Variants in PIK3R5 observed in about 807,000 individuals in gnomAD.
PIK3R5 encodes the protein phosphoinositide-3-kinase regulatory subunit 5.
Under a neutral mutation model 94.9 loss-of-function variants are expected in PIK3R5, and 32 were observed. The ratio of observed to expected loss-of-function variants is 0.34; its 90% CI spans 0.25 to 0.45. The LOEUF (loss-of-function observed/expected upper bound fraction) is 0.45. PIK3R5 is among the 20% of genes least tolerant of loss of function. The pLI is 1.00. For synonymous variants in PIK3R5, 443 were observed against 479.4 expected (o/e 0.92, Z 0.99); for missense variants, 853 against 1,144.6 (o/e 0.75, Z 3.68).
chr17:8,902,474 G>A (rs1237827049), intron 5 of PIK3R5, among the ~76,000 whole-genome samples: 4 of 151,850 alleles, frequency 2.6e-5, no homozygotes, highest in African/African-American at 7.3e-5. Flanking sequence ...GGATGGTCTC[G>A]ATCTCCAGAC....
At chr17:8,960,194 A>G (rs780317562) in intron 1 of PIK3R5, among the ~76,000 whole-genome samples, 1 of 152,204 alleles carries the variant, frequency 6.6e-6, no homozygotes, top group Non-Finnish European at 1.5e-5. Context: ...GTTGAAAAGA[A>G]TGCTGGAGAG....
At chr17:8,951,201 A>G (rs939813280) in intron 1 of PIK3R5, among the ~76,000 whole-genome samples, 2 of 152,208 alleles carry the variant, frequency 1.3e-5, no homozygotes, top group African/African-American at 4.8e-5. Flanking sequence ...TCTGGATATT[A>G]GACCTTTGAC....
chr17:8,958,280 CA>C (rs10716055), intron 1 of PIK3R5, among the ~76,000 whole-genome samples: 94,208 of 131,704 alleles, frequency 0.72, 35,485 homozygotes, highest in Non-Finnish European at 0.87. Context: ...GAGACTGTCT[CA>C]AAAAAAAAAA....
chr17:8,948,859 A>G (rs772442596), intron 1 of PIK3R5, among the ~76,000 whole-genome samples: 1 of 152,178 alleles, frequency 6.6e-6, no homozygotes, highest in Non-Finnish European at 1.5e-5. Context: ...GAGAAGCACC[A>G]TCCAAAATAA....
chr17:8,963,523 CTTCTTT>C (rs2091602430), intron 1 of PIK3R5, among the ~76,000 whole-genome samples: 1 of 79,118 alleles, frequency 1.3e-5, no homozygotes, highest in Non-Finnish European at 3.6e-5. Flanking sequence ...TCTTCTTCTT[CTTCTTT>C]TTTTTTTTTT....
At position 8,888,427 on chromosome 17, in the gene PIK3R5, T is replaced by G; in HGVS notation, c.1360A>C (p.Arg454=). Residue 454 remains arginine (R), a synonymous_variant, in exon 10 of 19, where the codon AGG becomes CGG. Transcript: ENST00000447110. The surrounding 1 kb of genome is among the most constrained non-coding windows in gnomAD (Gnocchi z 7.8). The part of the protein sequence containing the change: ...EGSSDTALPL[R]RAGSLCSPLD... ...GGGCTGCAGAGGCTCCCTGCCCGCC[T>G]CAGGGGCAGGGCCGTGTCCGAGCTG... 2.5e-6 allele frequency: 4 copies of G among 1,598,362 alleles called. No individual in the cohort carries two copies. In the South Asian group the frequency reaches 4.5e-5, roughly 18 times the overall value.
rs4791772 is a variant in PIK3R5, at chr17:8,945,172, A to G, written c.-14+20424T>C. Among the ~76,000 whole-genome samples, 128,505 of 152,084 alleles carry G rather than the reference A, an allele frequency of 0.84. 54,575 individuals carry two copies. Among genetic ancestry groups the G allele is most frequent in the African/African-American group, 0.89 (36,852 of 41,482 alleles). Reference sequence around the variant, plus strand: ...ACCCCACTTCGAAGAGGGGATCTACATCCTCCCCAGCTGCAGGAACACTCA... The same window carrying G: ...ACCCCACTTCGAAGAGGGGATCTACGTCCTCCCCAGCTGCAGGAACACTCA... On this transcript the variant is annotated intron_variant, in intron 1 of 18. Coordinates refer to ENST00000447110, the MANE Select transcript of PIK3R5 (RefSeq NM_001142633.3). This position sits in a 1 kb window ranked among gnomAD's most constrained non-coding sequence, Gnocchi z 4.0.
At chr17:8,944,534 C>T (rs1020735794) in intron 1 of PIK3R5, among the ~76,000 whole-genome samples, 2 of 152,194 alleles carry the variant, frequency 1.3e-5, no homozygotes, top group Non-Finnish European at 2.9e-5. Context: ...GAATAAAGCT[C>T]CTTCAGGCAC....
chr17:8,886,783 TGA>T (rs2089869823), intron 12 of PIK3R5, among the ~76,000 whole-genome samples, 178 bp from the exon 13 acceptor site: 1 of 152,146 alleles, frequency 6.6e-6, no homozygotes. Context: ...GCCCCTCACC[TGA>T]CCCACTGGCC....
rs758830427 is a variant in PIK3R5, at chr17:8,888,764, G to A, written c.1023C>T (p.Ala341=). 8 of 1,613,234 alleles carry A rather than the reference G, an allele frequency of 5.0e-6. No individual in the cohort carries two copies. The highest frequency in any genetic ancestry group is 4.5e-5 in the East Asian group (2 of 44,902). The change falls in exon 10 of 19, where the codon GCC becomes GCT. Residue 341 remains alanine, a synonymous_variant. Coordinates refer to ENST00000447110, the MANE Select transcript of PIK3R5 (RefSeq NM_001142633.3). This position sits in a 1 kb window ranked among gnomAD's most constrained non-coding sequence, Gnocchi z 7.8. ...TGGTGGAGAGCAGGGAATCTCTCTC[G>A]GCACAGTGCCCGTCAGTTTCCAAGT... ...EEDLETDGHC[A]ERDSLLSTSS... is the part of the protein sequence containing the mutation.
chr17:8,890,967 G>A lies in PIK3R5; in HGVS notation c.483-55C>T. The A allele has an allele frequency of 6.5e-7, 1 of 1,548,096 alleles. No individual in the cohort carries two copies. Among genetic ancestry groups the A allele is most frequent in the East Asian group, 2.3e-5 (1 of 43,914 alleles). ...CCAGGGGTGCGCAGCATGCCACAGT[G>A]CAGCCACCCCCCTCGTGCCTGCTGG... On this transcript the variant is annotated intron_variant, in intron 6 of 18. Coordinates refer to ENST00000447110, the MANE Select transcript of PIK3R5 (RefSeq NM_001142633.3). The surrounding 1 kb of genome is among the most constrained non-coding windows in gnomAD (Gnocchi z 6.1).
intron 1 of PIK3R5, among the ~76,000 whole-genome samples, chr17:8,957,358 CT>C (rs2091482005): frequency 6.6e-6 from 1 of 152,166 alleles, no homozygotes; most frequent in African/African-American, 2.4e-5. Context: ...TACAATTTTC[CT>C]TCTGTCATCC....
At chr17:8,921,758 A>C (rs1356187592) in intron 1 of PIK3R5, among the ~76,000 whole-genome samples, 3 of 152,198 alleles carry the variant, frequency 2.0e-5, no homozygotes, top group African/African-American at 7.2e-5. Context: ...AGGAAGATTC[A>C]ATACCATAAA....
chr17:8,965,572 C>A (rs921945459), intron 1 of PIK3R5, 24 bp downstream of exon 1: 1 of 152,328 alleles, frequency 6.6e-6, no homozygotes, highest in Non-Finnish European at 1.5e-5. Flanking sequence ...CCTCCGCATC[C>A]GCCCTGGCCG....
chr17:8,929,043 G>C (rs2090940627), intron 1 of PIK3R5, among the ~76,000 whole-genome samples: 1 of 152,172 alleles, frequency 6.6e-6, no homozygotes, highest in African/African-American at 2.4e-5. Flanking sequence ...ACAGTGGACT[G>C]TGATAAGTAA....
intron 14 of PIK3R5, among the ~76,000 whole-genome samples, chr17:8,885,337 T>C (rs1379253845): frequency 1.9e-3 from 128 of 67,962 alleles, no homozygotes; most frequent in African/African-American, 2.9e-3. Context: ...CCCAGGGCCC[T>C]GCCTCGTGGG....
intron 1 of PIK3R5, among the ~76,000 whole-genome samples, chr17:8,913,165 T>C (rs2090561934): frequency 6.6e-6 from 1 of 151,958 alleles, no homozygotes; most frequent in African/African-American, 2.4e-5. Context: ...CTCCAGGGTG[T>C]TGGGGGGTCA....
Position 8,892,009 on chromosome 17 carries a change from A to T in PIK3R5, c.483-1097T>A, listed in dbSNP as rs1283966287. ...ACGCACGGCTGTTCTCACTTCCCCC[A>T]TGCCAACCCCTCCATCACTGCATGA... On this transcript the variant is annotated intron_variant, in intron 6 of 18. Transcript: ENST00000447110. This position sits in a 1 kb window ranked among gnomAD's most constrained non-coding sequence, Gnocchi z 4.3. 1.3e-5 allele frequency among the ~76,000 whole-genome samples: 2 copies of T among 152,030 alleles called. No individual in the cohort carries two copies. Among genetic ancestry groups the T allele is most frequent in the Non-Finnish European group, 2.9e-5 (2 of 67,980 alleles).
intron 1 of PIK3R5, among the ~76,000 whole-genome samples, chr17:8,961,326 G>A (rs1416144187): frequency 1.3e-5 from 2 of 152,146 alleles, no homozygotes; most frequent in Non-Finnish European, 1.5e-5. Context: ...GCTCTGCAGC[G>A]TTTTCAGCTG....
Sources: allele counts gnomAD v4.1 joint callset (sites outside exome capture counted in the v4.1 genomes callset), GRCh38; gene constraint gnomAD v4.1.1; non-coding constraint Gnocchi (gnomAD v3.1); transcripts MANE v1.5; gene names NCBI Gene and HGNC (gene_info 2026-07-23, HGNC 2026-07-21).